Variants in NUP98 observed in about 807,000 individuals in gnomAD.
NUP98 encodes the protein nucleoporin 98 and 96 precursor, also known as nuclear pore complex protein Nup98-Nup96.
A neutral mutation model predicts 191.9 loss-of-function variants in NUP98; 26 were observed. That is an observed-to-expected ratio of 0.14 (90% CI 0.10 to 0.19). The LOEUF is 0.19. Ranked by LOEUF, NUP98 falls within the 10% of genes least tolerant of loss-of-function variation. The probability of loss-of-function intolerance (pLI) is 1.00; values close to 1 mark genes in which losing one functional copy is unlikely to be tolerated. For missense variants in NUP98, 1,941 were observed against 2,178.8 expected, an observed-to-expected ratio of 0.89 and a Z score of 2.17; for synonymous variants, 808 against 778.4, an observed-to-expected ratio of 1.04 and a Z score of -0.63.
Position 3,720,703 on chromosome 11 carries a change from C to A in NUP98, c.2260+9G>T. 6.9e-7 allele frequency: 1 copy of A among 1,444,822 alleles called. No homozygotes were observed. Among genetic ancestry groups the A allele is most frequent in the African/African-American group, 1.4e-5 (1 of 71,038 alleles). The allele number at this position is 1,444,822 out of a possible 1,614,324, so 89.5% of individuals were successfully genotyped here. ...TGGCTTAATCACTAAGTGCTAAACTCACACTTACCTTTCCGACCAATAGTG... is the reference window on the plus strand; with the variant it reads ...TGGCTTAATCACTAAGTGCTAAACTAACACTTACCTTTCCGACCAATAGTG... On this transcript the variant is annotated intron_variant, in intron 17 of 32. Coordinates refer to ENST00000324932, the MANE Select transcript of NUP98 (RefSeq NM_016320.5).
chr11:3,725,349 A>T (rs1230044108), intron 14 of NUP98, 130 bp from the exon 15 acceptor site: 4 of 563,564 alleles, frequency 7.1e-6, no homozygotes, highest in Non-Finnish European at 1.3e-5. Context: ...AGAATAACCT[A>T]ACAAGTTTCA....
chr11:3,788,807 TGTC>T, intron 1 of NUP98, among the ~76,000 whole-genome samples: 1 of 150,054 alleles, frequency 6.7e-6, no homozygotes. Context: ...ATTAGCCAGT[TGTC>T]GTGACGCATG....
rs1208265212 is a variant in NUP98 at position 3,789,925 on chromosome 11, CAGG to C, written c.-29+7472_-29+7474del. On this transcript the variant is annotated intron_variant, in intron 1 of 32. Coordinates refer to ENST00000324932, the MANE Select transcript of NUP98 (RefSeq NM_016320.5). ...TCAGCCTCTCGAGAAGATGGGACTA[CAGG>C]CACCCACCACTATACCGGGTTAATT... Among the ~76,000 whole-genome samples the C allele has an allele frequency of 2.6e-5, 4 of 152,238 alleles. No homozygotes were observed. In the East Asian group the frequency reaches 7.7e-4, roughly 29 times the overall value.
rs567383961 is a variant in NUP98, at chr11:3,711,994, A to C, written c.2742+570T>G. On this transcript the variant is annotated intron_variant, in intron 20 of 32. Coordinates refer to ENST00000324932, the MANE Select transcript of NUP98 (RefSeq NM_016320.5). Reference sequence around the variant, plus strand: ...TATCAATGATACAAGTAATTGCGATAAACAATGTAGGCCCTAATCTCCCCA... The same window carrying C: ...TATCAATGATACAAGTAATTGCGATCAACAATGTAGGCCCTAATCTCCCCA... 5.5e-5 allele frequency: 58 copies of C among 1,047,880 alleles called. No homozygotes were observed. In the African/African-American group the frequency reaches 8.8e-4, roughly 16 times the overall value. 64.9% of individuals were successfully genotyped at this position (1,047,880 alleles called of 1,614,324 possible). A position where few individuals can be genotyped will look rare whatever the true frequency, so the allele number is the denominator to read the frequency against.
chr11:3,783,559 C>T (rs1205959073), intron 1 of NUP98, among the ~76,000 whole-genome samples: 1 of 152,016 alleles, frequency 6.6e-6, no homozygotes, highest in Non-Finnish European at 1.5e-5. Context: ...ATTAGCCAGG[C>T]GTGGTGGTGC....
chr11:3,692,787 T>TA (rs2134063515), intron 27 of NUP98, among the ~76,000 whole-genome samples: 1 of 152,272 alleles, frequency 6.6e-6, no homozygotes, highest in East Asian at 1.9e-4. Context: ...TCCTGACAAA[T>TA]AATTCTGAGA....
At chr11:3,718,364 T>C (rs1380170182) in intron 18 of NUP98, among the ~76,000 whole-genome samples, 8 of 151,988 alleles carry the variant, frequency 5.3e-5, no homozygotes, top group Admixed American at 5.3e-4. Context: ...GGCAAAACCC[T>C]GTCTCTACTA....
rs1277562697 is a variant in NUP98, at chr11:3,725,193, T to C, written c.1757A>G (p.Lys586Arg). ...PKKSIKKLVL[K>R]NLNNSNLFSP... Reference sequence around the variant, plus strand: ...AAAGAGATTGCTATTATTAAGGTTCTTCAAAACCAACTTCTTAATGCTCTT... The same window carrying C: ...AAAGAGATTGCTATTATTAAGGTTCCTCAAAACCAACTTCTTAATGCTCTT... Residue 586 changes from lysine (K) to arginine (R), a missense_variant, in exon 15 of 33, where the codon AAG becomes AGG. Physicochemically the swap from Lys to Arg is conservative, Grantham distance 26. Around this residue, in one of 6 missense-constraint regions of NUP98, gnomAD observed 453 missense variants for 438.2 expected, o/e 1.03. Transcript: ENST00000324932. The C allele has an allele frequency of 6.3e-7, 1 of 1,578,910 alleles. No homozygotes were observed. Among genetic ancestry groups the C allele is most frequent in the South Asian group, 1.1e-5 (1 of 89,484 alleles).
At chr11:3,735,925 T>TAC (rs34958738) in intron 12 of NUP98, among the ~76,000 whole-genome samples, 5 of 150,634 alleles carry the variant, frequency 3.3e-5, no homozygotes, top group Non-Finnish European at 5.9e-5. Flanking sequence ...TTTGTGCGTG[T>TAC]ACACACACAC....
chr11:3,683,271 T>C lies in NUP98; in HGVS notation c.4847A>G (p.Glu1616Gly). 2 of 1,614,170 alleles carry C rather than the reference T, an allele frequency of 1.2e-6. No homozygotes were observed. Among genetic ancestry groups the C allele is most frequent in the Non-Finnish European group, 1.7e-6 (2 of 1,180,032 alleles). Reference protein sequence around the residue: ...RAHMESDKHLEALCLFKAEHW... With the variant: ...RAHMESDKHLGALCLFKAEHW... ...CTCAGCCTTAAATAAGCAAAGGGCC[T>C]CTAAGTGCTTGTCAGATTCCATGTG... Residue 1616 changes from glutamate (E) to glycine (G), a missense_variant, in exon 30 of 33, where the codon GAG becomes GGG. By Grantham distance (98) the Glu-to-Gly change is moderately conservative. Around this residue, in one of 6 missense-constraint regions of NUP98, gnomAD observed 1,030 missense variants for 1,115.8 expected, o/e 0.92. Coordinates refer to ENST00000324932, the MANE Select transcript of NUP98 (RefSeq NM_016320.5).
At chr11:3,710,484 G>A (rs1418917656) in intron 20 of NUP98, among the ~76,000 whole-genome samples, 1 of 152,128 alleles carries the variant, frequency 6.6e-6, no homozygotes, top group East Asian at 1.9e-4. Context: ...TGGAACAAAT[G>A]TGACCATTAA....
intron 10 of NUP98, among the ~76,000 whole-genome samples, chr11:3,753,813 CCTGTAATCCCAG>C (rs2134448361): frequency 7.7e-6 from 1 of 130,676 alleles, no homozygotes; most frequent in African/African-American, 3.0e-5. Flanking sequence ...ACGGTGCGTG[CCTGTAATCCCAG>C]CTACTCGGGA....
chr11:3,773,570 A>T, intron 6 of NUP98, 62 bp downstream of exon 6: 1 of 1,065,984 alleles, frequency 9.4e-7, no homozygotes, highest in Non-Finnish European at 1.4e-6. Context: ...AACCATTTTT[A>T]AAAGCTGCAT....
chr11:3,768,594 C>A lies in NUP98; in HGVS notation c.935G>T (p.Ser312Ile). 1 of 1,590,770 alleles carries A rather than the reference C, an allele frequency of 6.3e-7. No individual in the cohort carries two copies. Among genetic ancestry groups the A allele is most frequent in the Non-Finnish European group, 8.6e-7 (1 of 1,169,506 alleles). Residue 312 changes from serine to isoleucine, a missense_variant, in exon 8 of 33, where the codon AGC (serine) becomes ATC (isoleucine). Coordinates refer to ENST00000324932, the MANE Select transcript of NUP98 (RefSeq NM_016320.5). ...CTGTTTCCTTACCATGGTGTTGGTG[C>A]TTGGCTGTCCTATGGTGCTGGTATT... is the stretch of plus-strand genomic sequence containing the variant. ...FGNTSTIGQP[S>I]TNTMGLFGVT...
At chr11:3,752,517 CAAAA>C (rs926261409) in intron 11 of NUP98, among the ~76,000 whole-genome samples, 1 of 122,900 alleles carries the variant, frequency 8.1e-6, no homozygotes, top group African/African-American at 3.2e-5. Flanking sequence ...ACTCCATCTC[CAAAA>C]TAAATAAATA....
At chr11:3,745,317 C>T (rs1286660088) in intron 11 of NUP98, among the ~76,000 whole-genome samples, 1 of 152,174 alleles carries the variant, frequency 6.6e-6, no homozygotes, top group Non-Finnish European at 1.5e-5. Flanking sequence ...CTCATGAAAA[C>T]TGGTTTATCT....
intron 31 of NUP98, 107 bp downstream of exon 31, chr11:3,679,447 T>C (rs1303835952): frequency 8.1e-7 from 1 of 1,239,190 alleles, no homozygotes. Context: ...GACAGTGCTA[T>C]CTCTGTCAGT....
chr11:3,784,057 G>C (rs1446013361), intron 1 of NUP98, among the ~76,000 whole-genome samples: 5 of 152,098 alleles, frequency 3.3e-5, no homozygotes, highest in Non-Finnish European at 7.3e-5. Flanking sequence ...AGTCAATCAT[G>C]CTCATCTGGA....
chr11:3,709,114 A>G (rs932662298), intron 20 of NUP98, among the ~76,000 whole-genome samples: 5 of 152,234 alleles, frequency 3.3e-5, no homozygotes, highest in African/African-American at 1.2e-4. Flanking sequence ...AGACACCCTC[A>G]TTCAACAGAG....
Sources: allele counts gnomAD v4.1 joint callset (sites outside exome capture counted in the v4.1 genomes callset), GRCh38; gene constraint gnomAD v4.1.1; regional missense constraint gnomAD v4.1.1; transcripts MANE v1.5; gene names NCBI Gene and HGNC (gene_info 2026-07-23, HGNC 2026-07-21).